GPBP1: variants seen among roughly 807,000 people sequenced by gnomAD.
GPBP1 encodes GC-rich promoter binding protein 1.
A neutral mutation model predicts 56.5 loss-of-function variants in GPBP1; 13 were observed. The observed-to-expected ratio is 0.23, with a 90% CI of 0.15 to 0.37. The LOEUF (loss-of-function observed/expected upper bound fraction) is 0.37, where lower values mean the gene tolerates loss of function less well. Among genes scored for constraint, GPBP1 ranks in the 10% least tolerant of loss-of-function variants. The pLI, the probability that GPBP1 is intolerant of heterozygous loss-of-function variation, is 1.00. For synonymous variants in GPBP1, 204 were observed against 188.9 expected, an observed-to-expected ratio of 1.08 and a Z score of -0.66; for missense variants, 477 against 572.3, an observed-to-expected ratio of 0.83 and a Z score of 1.70.
intron 6 of GPBP1, among the ~76,000 whole-genome samples, chr5:57,242,857 CT>C (rs1190943011): frequency 1.3e-5 from 2 of 151,536 alleles, no homozygotes; most frequent in East Asian, 2.0e-4. Context: ...TCAAGTGATT[CT>C]TCTGCCTCGG....
chr5:57,246,586 C>T (rs545974847), intron 7 of GPBP1, 102 bp downstream of exon 7: 36 of 901,404 alleles, frequency 4.0e-5, no homozygotes, highest in Non-Finnish European at 5.2e-5. Context: ...GGAGGTACTT[C>T]GTGGGGTGCT....
intron 2 of GPBP1, among the ~76,000 whole-genome samples, chr5:57,196,446 G>A (rs893149164): frequency 6.6e-6 from 1 of 152,136 alleles, no homozygotes; most frequent in African/African-American, 2.4e-5. Context: ...TTCAGGATAA[G>A]CATTACCTTA....
At chr5:57,230,579 C>T (rs1022545907) in intron 3 of GPBP1, 5 of 394,830 alleles carry the variant, frequency 1.3e-5, no homozygotes, top group African/African-American at 8.3e-5. Flanking sequence ...AACTTGTTTT[C>T]CATACAGTGG....
chr5:57,220,333 A>T (rs939316915), intron 3 of GPBP1, among the ~76,000 whole-genome samples: 2 of 151,260 alleles, frequency 1.3e-5, no homozygotes, highest in Non-Finnish European at 2.9e-5. Context: ...TTTGGACCTG[A>T]CTCTTGATTA....
intron 5 of GPBP1, among the ~76,000 whole-genome samples, chr5:57,234,415 T>C (rs550716416): frequency 6.6e-6 from 1 of 152,294 alleles, no homozygotes; most frequent in African/African-American, 2.4e-5. Context: ...TTGGCTTTGA[T>C]AGTGCGTGTG....
At chr5:57,259,330 A>G (rs1741793036) in intron 10 of GPBP1, among the ~76,000 whole-genome samples, 1 of 152,200 alleles carries the variant, frequency 6.6e-6, no homozygotes, top group African/African-American at 2.4e-5. Context: ...ATATTCTGTG[A>G]GACTCTGAAA....
At chr5:57,251,314 G>T (rs775617729) in intron 10 of GPBP1, among the ~76,000 whole-genome samples, 173 bp downstream of exon 10, 3 of 152,004 alleles carry the variant, frequency 2.0e-5, no homozygotes, top group Admixed American at 2.0e-4. Flanking sequence ...TTGTTCACTC[G>T]CATTTACTTT....
At chr5:57,240,573 C>G (rs1248160919) in intron 6 of GPBP1, among the ~76,000 whole-genome samples, 1 of 152,178 alleles carries the variant, frequency 6.6e-6, no homozygotes, top group Non-Finnish European at 1.5e-5. Flanking sequence ...ATGTGGCTAA[C>G]ATTAGATCTT....
chr5:57,220,114 C>A (rs1316249189), intron 3 of GPBP1, among the ~76,000 whole-genome samples: 1 of 151,076 alleles, frequency 6.6e-6, no homozygotes, highest in Non-Finnish European at 1.5e-5. Flanking sequence ...AAATACTTGT[C>A]TTCATTTAAA....
In GPBP1 at chr5:57,231,106, G is replaced by A; in HGVS notation, c.196G>A (p.Gly66Arg). 6.2e-7 allele frequency: 1 copy of A among 1,612,166 alleles called. No individual in the cohort carries two copies. Among genetic ancestry groups the A allele is most frequent in the South Asian group, 1.1e-5 (1 of 90,466 alleles). The change falls in exon 5 of 12, where the codon GGA becomes AGA. Residue 66 changes from glycine to arginine, a missense_variant. Physicochemically the swap from Gly to Arg is moderately radical, Grantham distance 125. Around this residue, in one of 2 missense-constraint regions of GPBP1, gnomAD observed 414 missense variants for 458.2 expected, o/e 0.90. Coordinates refer to ENST00000506184, the MANE Select transcript of GPBP1 (RefSeq NM_022913.4). ...GCTATTATCAAATAAAGGTAACTTT[G>A]GAAGGAAAGAAAAAAATGGATGGCG... is the stretch of plus-strand genomic sequence containing the variant. ...AIGRPNGGNFGRKEKNGWRTH... is the reference protein window; with the variant it reads ...AIGRPNGGNFRRKEKNGWRTH...
In GPBP1 at chr5:57,230,754, A is replaced by C. The variant is rs200299663; in HGVS notation, c.64-92A>C. On this transcript the variant is annotated intron_variant, in intron 3 of 11. Transcript: ENST00000506184. ...CAATATGTTTTTCTTAATCATTTAA[A>C]ATTTTTGGAAATAAGTGAAGTTGGA... 1,308 of 1,102,870 alleles carry C rather than the reference A, an allele frequency of 1.2e-3. 21 individuals are homozygous for C. The South Asian group carries it at 0.018, about 15-fold the overall frequency. The allele number at this position is 1,102,870 out of a possible 1,614,324, so 68.3% of individuals were successfully genotyped here.
rs562729412 is a variant in GPBP1, at chr5:57,185,009, ATTTG to A, written c.-58+8613_-58+8616del. Among the ~76,000 whole-genome samples the A allele has an allele frequency of 1.5e-3, 234 of 152,302 alleles. 1 individual carries two copies. Among genetic ancestry groups the A allele is most frequent in the African/African-American group, 5.1e-3 (210 of 41,552 alleles). On this transcript the variant is annotated intron_variant, in intron 2 of 11. Coordinates refer to ENST00000506184, the MANE Select transcript of GPBP1 (RefSeq NM_022913.4). ...TATTCTCTTGTGTGGTTATACCACA[ATTTG>A]TTTATCAGTTCTCTCGTTCAGAGAC...
chr5:57,261,879 A>T (rs1170732168), intron 11 of GPBP1, among the ~76,000 whole-genome samples: 1 of 151,936 alleles, frequency 6.6e-6, no homozygotes, highest in Admixed American at 6.6e-5. Context: ...TTTTTTTCAA[A>T]TCGATTATTT....
intron 2 of GPBP1, among the ~76,000 whole-genome samples, chr5:57,196,006 A>AAAAAAT (rs1754729372): frequency 1.5e-5 from 1 of 66,990 alleles, no homozygotes; most frequent in Admixed American, 1.6e-4. Flanking sequence ...AAAAAAAAAA[A>AAAAAAT]TTTTTTTTTT....
At chr5:57,233,090 A>C (rs1410751604) in intron 5 of GPBP1, among the ~76,000 whole-genome samples, 1 of 152,188 alleles carries the variant, frequency 6.6e-6, no homozygotes, top group East Asian at 1.9e-4. Flanking sequence ...GTTAGTTTTT[A>C]CAGTTCTTAG....
intron 5 of GPBP1, among the ~76,000 whole-genome samples, chr5:57,234,091 T>C (rs1207710912): frequency 6.6e-6 from 1 of 152,218 alleles, no homozygotes; most frequent in Non-Finnish European, 1.5e-5. Flanking sequence ...TTAGTTTGTA[T>C]CTCTGAAGGA....
intron 3 of GPBP1, among the ~76,000 whole-genome samples, chr5:57,228,482 C>G (rs1338909991): frequency 6.6e-6 from 1 of 151,514 alleles, no homozygotes; most frequent in Non-Finnish European, 1.5e-5. Flanking sequence ...GCATCTATAT[C>G]TGTATCTCAA....
chr5:57,248,905 T>C (rs1353211267), intron 8 of GPBP1: 1 of 152,406 alleles, frequency 6.6e-6, no homozygotes, highest in Non-Finnish European at 1.5e-5. Flanking sequence ...ACATTCTGTT[T>C]TGTGTTCCAC....
At chr5:57,230,707 T>C (rs569541272) in intron 3 of GPBP1, 139 bp from the exon 4 acceptor site, 1 of 747,422 alleles carries the variant, frequency 1.3e-6, no homozygotes, top group Non-Finnish European at 2.3e-6. Flanking sequence ...TACCCAGTTA[T>C]CAAATACCTT....
Sources: gnomAD v4.1 joint callset for allele counts (sites outside exome capture counted in the v4.1 genomes callset) on GRCh38, gnomAD v4.1.1 for gene constraint, gnomAD v4.1.1 regional missense constraint, MANE v1.5 for transcripts, NCBI Gene and HGNC (gene_info 2026-07-23, HGNC 2026-07-21) for gene names.